The following MYL4 variants were observed in gnomAD, a reference collection of about 807,000 sequenced individuals.
The protein encoded by MYL4 is myosin light chain 4.
MYL4 carries 16 observed loss-of-function variants against 21.6 expected under a neutral mutation model. The observed-to-expected ratio is 0.74, with a 90% CI of 0.50 to 1.12. The LOEUF is 1.12. MYL4 is among the 50% of genes most tolerant of loss of function. The pLI, the probability that MYL4 is intolerant of heterozygous loss-of-function variation, is 0.00. For missense variants in MYL4, 249 were observed against 252.9 expected (o/e 0.98, Z 0.11); for synonymous variants, 82 against 95.7 (o/e 0.86, Z 0.83).
At position 47,220,059 on chromosome 17, in the gene MYL4, T is replaced by C; in HGVS notation, c.313+6T>C. ...GGGCAAGCCCAAGCCTGAAGGTCAG[T>C]GCGGCTGCATGGCAGACCTCTCCCA... On this transcript the variant is annotated splice_donor_region_variant and intron_variant, in intron 3 of 6. Transcript: ENST00000393450. 1 of 1,607,676 alleles carries C rather than the reference T, an allele frequency of 6.2e-7. No individual in the cohort carries two copies. Among genetic ancestry groups the C allele is most frequent in the Non-Finnish European group, 8.5e-7 (1 of 1,176,468 alleles).
chr17:47,208,192 A>G (rs2064742108), upstream of MYL4, among the ~76,000 whole-genome samples: 2 of 152,106 alleles, frequency 1.3e-5, no homozygotes, highest in South Asian at 4.1e-4. Flanking sequence ...AGGCTAGTGG[A>G]TCCCTTGAGC....
chr17:47,222,342 T>C (rs749150219), intron 4 of MYL4, 38 bp from the exon 5 acceptor site: 1 of 1,597,478 alleles, frequency 6.3e-7, no homozygotes. Flanking sequence ...CTTTGCCATC[T>C]GTAATTAAGA....
chr17:47,194,266 G>A, the MYL4 span, among the ~76,000 whole-genome samples: 5 of 152,212 alleles, frequency 3.3e-5, no homozygotes, highest in East Asian at 9.7e-4. Flanking sequence ...CTTTTCCATT[G>A]CCCAAAAGAT....
rs1405716390 is a variant in MYL4 at position 47,223,030 on chromosome 17, C to A, written c.582C>A (p.Ile194=). The change falls in exon 6 of 7, where the codon ATC becomes ATA. Residue 194 remains isoleucine (I), a synonymous_variant. Transcript: ENST00000393450. ...TTTTCCTAGCCTTTGTCAAGCACAT[C>A]ATGTCAGGGTGAAGCAGAGTCTTCC... ...CINYEAFVKH[I]MSG 8.1e-6 allele frequency: 13 copies of A among 1,614,046 alleles called. No homozygotes were observed. Among genetic ancestry groups the A allele is most frequent in the Non-Finnish European group, 1.0e-5 (12 of 1,180,012 alleles).
chr17:47,208,766 G>T (rs781301003), upstream of MYL4, among the ~76,000 whole-genome samples: 3 of 150,890 alleles, frequency 2.0e-5, no homozygotes, highest in Non-Finnish European at 3.0e-5. Context: ...TAGATCTAGG[G>T]ATCTGAGGTC....
chr17:47,198,139 G>A (rs1224172393), upstream of MYL4, among the ~76,000 whole-genome samples: 1 of 152,168 alleles, frequency 6.6e-6, no homozygotes, highest in East Asian at 1.9e-4. Context: ...GAGGCTGCCA[G>A]GGAGTCTGGG....
In MYL4 at chr17:47,215,146, A is replaced by G. The variant is rs576712708; in HGVS notation, c.163+1320A>G. Among the ~76,000 whole-genome samples the G allele has an allele frequency of 5.9e-5, 9 of 152,344 alleles. No individual in the cohort carries two copies. The South Asian group carries it at 1.9e-3, about 32-fold the overall frequency. On this transcript the variant is annotated intron_variant, in intron 2 of 6. Transcript: ENST00000393450. Reference sequence around the variant, plus strand: ...GAGCTGGCATATGCATTTTGAAACTAGTGAATTGAGCCTGACTCTGTTTTC... The same window carrying G: ...GAGCTGGCATATGCATTTTGAAACTGGTGAATTGAGCCTGACTCTGTTTTC...
chr17:47,212,252 C>T (rs985121994), intron 1 of MYL4, among the ~76,000 whole-genome samples: 1 of 152,146 alleles, frequency 6.6e-6, no homozygotes, highest in African/African-American at 2.4e-5. Flanking sequence ...AAAATGATGA[C>T]TTATGCTTGG....
At chr17:47,221,638 C>T (rs1207887085) in intron 3 of MYL4, 44 bp from the exon 4 acceptor site, 1 of 1,581,080 alleles carries the variant, frequency 6.3e-7, no homozygotes, top group African/African-American at 1.3e-5. Flanking sequence ...CCCTTGAGCA[C>T]CTGCTCACAT....
intron 3 of MYL4, among the ~76,000 whole-genome samples, chr17:47,221,091 G>A (rs2064852294): frequency 6.6e-6 from 1 of 152,216 alleles, no homozygotes; most frequent in African/African-American, 2.4e-5. Context: ...TTTAAAAATA[G>A]TTTGCCTCTA....
chr17:47,192,904 C>T, the MYL4 span, among the ~76,000 whole-genome samples: 1,486 of 152,162 alleles, frequency 9.8e-3, 27 homozygotes, highest in African/African-American at 0.033. Flanking sequence ...AGCATTATTC[C>T]AAAAATGGAA....
the MYL4 span, among the ~76,000 whole-genome samples, chr17:47,190,812 C>T: frequency 6.6e-6 from 1 of 152,338 alleles, no homozygotes; most frequent in South Asian, 2.1e-4. Context: ...TGAAGTTCTT[C>T]AGATGCCCTA....
the MYL4 span, among the ~76,000 whole-genome samples, chr17:47,190,703 C>T: frequency 4.6e-5 from 7 of 152,182 alleles, no homozygotes; most frequent in African/African-American, 1.7e-4. Flanking sequence ...GTTGCTTTAG[C>T]GGGATTATGC....
At position 47,212,481 on chromosome 17, in the gene MYL4, G is replaced by A. The variant is rs147961066; in HGVS notation, c.136-1318G>A. Among the ~76,000 whole-genome samples, 435 of 152,372 alleles carry A rather than the reference G, an allele frequency of 2.9e-3. 2 individuals carry two copies. The highest frequency in any genetic ancestry group is 5.2e-3 in the South Asian group (25 of 4,834). ...GCATGACTGGAAACAATTAGGAAGC[G>A]TGGAGGGCCCATGCCAATTGCTCTT... On this transcript the variant is annotated intron_variant, in intron 1 of 6. Coordinates refer to ENST00000393450, the MANE Select transcript of MYL4 (RefSeq NM_002476.2).
chr17:47,191,578 C>T, the MYL4 span, among the ~76,000 whole-genome samples: 1 of 152,132 alleles, frequency 6.6e-6, no homozygotes, highest in Non-Finnish European at 1.5e-5. Flanking sequence ...TCAAGCAATT[C>T]TCCTGTCTCA....
chr17:47,219,182 A>G (rs1238393054), intron 2 of MYL4, among the ~76,000 whole-genome samples: 3 of 152,242 alleles, frequency 2.0e-5, no homozygotes, highest in African/African-American at 7.2e-5. Context: ...GCCGCCTTTC[A>G]GCCTGGAACA....
chr17:47,199,432 C>T (rs992570384), upstream of MYL4, among the ~76,000 whole-genome samples: 4 of 152,022 alleles, frequency 2.6e-5, no homozygotes, highest in African/African-American at 7.2e-5. Flanking sequence ...ACGATCCTCC[C>T]GCCTTGGCCT....
chr17:47,197,096 T>G (rs1178742388), upstream of MYL4, among the ~76,000 whole-genome samples: 1 of 63,900 alleles, frequency 1.6e-5, no homozygotes, highest in African/African-American at 4.6e-5. Context: ...TAAAGGGTTT[T>G]TTTTTTTTTT....
At chr17:47,212,456 G>T (rs547428167) in intron 1 of MYL4, among the ~76,000 whole-genome samples, 1 of 152,232 alleles carries the variant, frequency 6.6e-6, no homozygotes, top group Non-Finnish European at 1.5e-5. Flanking sequence ...GCACGTAAAG[G>T]CATGACTGGA....
Sources: gnomAD v4.1 joint callset for allele counts (sites outside exome capture counted in the v4.1 genomes callset) on GRCh38, gnomAD v4.1.1 for gene constraint, MANE v1.5 for transcripts, NCBI Gene and HGNC (gene_info 2026-07-23, HGNC 2026-07-21) for gene names.